The following HMGCS1 variants were observed in gnomAD, a reference collection of about 807,000 sequenced individuals.
HMGCS1 encodes hydroxymethylglutaryl-CoA synthase, cytoplasmic.
A neutral mutation model predicts 52.3 loss-of-function variants in HMGCS1; 9 were observed. That is an observed-to-expected ratio of 0.17 (90% confidence interval 0.10 to 0.30). The LOEUF is 0.30. HMGCS1 is among the 10% of genes least tolerant of loss of function. HMGCS1 has a pLI of 1.00. For missense variants in HMGCS1, 320 were observed against 620.9 expected (o/e 0.52, Z 5.15); for synonymous variants, 176 against 214.4 (o/e 0.82, Z 1.57).
At chr5:43,306,848 C>T (rs906656606) in intron 2 of HMGCS1, among the ~76,000 whole-genome samples, 1 of 152,126 alleles carries the variant, frequency 6.6e-6, no homozygotes, top group Non-Finnish European at 1.5e-5. Flanking sequence ...CGGTACCCAA[C>T]CCACTGTTTG....
intron 9 of HMGCS1, 74 bp from the exon 10 acceptor site, chr5:43,292,711 T>C: frequency 9.2e-6 from 14 of 1,516,504 alleles, no homozygotes; most frequent in Non-Finnish European, 1.3e-5. Context: ...TAAAGATAAG[T>C]TTCATATATC....
chr5:43,311,009 T>C (rs1274919765), intron 1 of HMGCS1, among the ~76,000 whole-genome samples: 1 of 152,178 alleles, frequency 6.6e-6, no homozygotes, highest in African/African-American at 2.4e-5. Flanking sequence ...ACACACGCCA[T>C]GCATTAGGAT....
At chr5:43,297,784 G>A (rs1013878435) in intron 4 of HMGCS1, among the ~76,000 whole-genome samples, 1 of 150,788 alleles carries the variant, frequency 6.6e-6, no homozygotes, top group Admixed American at 6.6e-5. Flanking sequence ...GTTGCAGTGA[G>A]CCGAGATCGT....
chr5:43,305,660 C>G (rs1754530691), intron 2 of HMGCS1, among the ~76,000 whole-genome samples: 1 of 151,630 alleles, frequency 6.6e-6, no homozygotes, highest in African/African-American at 2.4e-5. Flanking sequence ...ATCCCAGCTA[C>G]TTGGAAGGCT....
At chr5:43,303,128 C>A (rs912865560) in intron 2 of HMGCS1, among the ~76,000 whole-genome samples, 1 of 152,146 alleles carries the variant, frequency 6.6e-6, no homozygotes, top group African/African-American at 2.4e-5. Flanking sequence ...TTATTACATC[C>A]TAGATTCTTT....
At chr5:43,306,062 C>A (rs2111724909) in intron 2 of HMGCS1, among the ~76,000 whole-genome samples, 1 of 152,166 alleles carries the variant, frequency 6.6e-6, no homozygotes, top group Admixed American at 6.5e-5. Flanking sequence ...ACTTTGTAAA[C>A]CTTTCAAGTC....
chr5:43,302,707 C>A (rs1167128801), intron 2 of HMGCS1, among the ~76,000 whole-genome samples: 2 of 152,302 alleles, frequency 1.3e-5, no homozygotes, highest in East Asian at 3.9e-4. Context: ...CTCTAGGAAC[C>A]AAATGGACTG....
At chr5:43,296,905 T>G in intron 5 of HMGCS1, 97 bp downstream of exon 5, 2 of 830,682 alleles carry the variant, frequency 2.4e-6, no homozygotes, top group African/African-American at 3.4e-5. Flanking sequence ...GGATATTAAA[T>G]GAAGAATGCC....
chr5:43,292,153 C>T (rs548043359), intron 10 of HMGCS1, among the ~76,000 whole-genome samples: 1 of 151,830 alleles, frequency 6.6e-6, no homozygotes, highest in African/African-American at 2.4e-5. Flanking sequence ...CCACCAAGCC[C>T]AACTAATTTT....
rs1386090483 is a variant in HMGCS1, at chr5:43,298,097, T to C, written c.486A>G (p.Val162=). 2.5e-6 allele frequency: 4 copies of C among 1,613,450 alleles called. No homozygotes were observed. The highest frequency in any genetic ancestry group is 1.6e-4 in the Middle Eastern group (1 of 6,062). ...YALVVAGDIA[V]YATGNARPTG... ...TAGGTCTAGCATTTCCTGTGGCATATACAGCAATATCTCCTGCAACTACCA... is the reference window on the plus strand; with the variant it reads ...TAGGTCTAGCATTTCCTGTGGCATACACAGCAATATCTCCTGCAACTACCA... Residue 162 remains valine (V), a synonymous_variant, in exon 4 of 11, where the codon GTA becomes GTG. Coordinates refer to ENST00000325110, the MANE Select transcript of HMGCS1 (RefSeq NM_001098272.3). This position sits in a 1 kb window ranked among gnomAD's most constrained non-coding sequence, Gnocchi z 5.6.
In HMGCS1 at chr5:43,288,294, C is replaced by A. The variant is rs1328820331; in HGVS notation, c.*2837G>T. On this transcript the variant is annotated 3_prime_UTR_variant, in exon 11 of 11. Transcript: ENST00000325110. ...ATCACAGATCAACTATTTTCTCCCA[C>A]TACCAGCAAAGAAAAAATGAGGAAC... is the stretch of plus-strand genomic sequence containing the variant. 6.6e-6 allele frequency: 1 copy of A among 152,166 alleles called. No homozygotes were observed. The highest frequency in any genetic ancestry group is 1.5e-5 in the Non-Finnish European group (1 of 68,038). 9.4% of individuals were successfully genotyped at this position (152,166 alleles called of 1,614,324 possible). A position where few individuals can be genotyped will look rare whatever the true frequency, so the allele number is the denominator to read the frequency against.
intron 2 of HMGCS1, among the ~76,000 whole-genome samples, chr5:43,305,488 G>A (rs997784478): frequency 2.0e-5 from 3 of 151,996 alleles, no homozygotes; most frequent in Admixed American, 1.3e-4. Flanking sequence ...AGAATAAAGA[G>A]GCCGGGTGTG....
Position 43,292,652 on chromosome 5 carries a change from G to C in HMGCS1, c.1310-15C>G. 6.2e-7 allele frequency: 1 copy of C among 1,601,000 alleles called. No homozygotes were observed. Among genetic ancestry groups the C allele is most frequent in the Non-Finnish European group, 8.6e-7 (1 of 1,168,724 alleles). ...AATATAGTTGACTAAAGGAAAGGGA[G>C]AGAATATCTACAATTAGTTATGATA... On this transcript the variant is annotated splice_polypyrimidine_tract_variant and intron_variant, in intron 9 of 10. Coordinates refer to ENST00000325110, the MANE Select transcript of HMGCS1 (RefSeq NM_001098272.3).
At chr5:43,296,380 G>C (rs1233317574) in intron 5 of HMGCS1, among the ~76,000 whole-genome samples, 2 of 152,100 alleles carry the variant, frequency 1.3e-5, no homozygotes, top group African/African-American at 2.4e-5. Flanking sequence ...TATACTGCAA[G>C]AATGCTTCTT....
intron 4 of HMGCS1, 97 bp from the exon 5 acceptor site, chr5:43,297,263 ATC>A: frequency 1.0e-6 from 1 of 983,170 alleles, no homozygotes; most frequent in South Asian, 1.6e-5. Flanking sequence ...TTCCTTAACT[ATC>A]TGATCAATTC....
chr5:43,297,978 A>G (rs753629332), intron 4 of HMGCS1, 31 bp downstream of exon 4: 3 of 1,604,676 alleles, frequency 1.9e-6, no homozygotes, highest in East Asian at 4.5e-5. Flanking sequence ...ATTGTGCTAA[A>G]AAAAACAAAA....
chr5:43,310,513 T>C (rs1000771758), intron 1 of HMGCS1, among the ~76,000 whole-genome samples: 2 of 152,234 alleles, frequency 1.3e-5, no homozygotes, highest in African/African-American at 4.8e-5. Flanking sequence ...AAGTAAAGGG[T>C]ACTCAAATGT....
chr5:43,311,850 C>T (rs959596994), intron 1 of HMGCS1, among the ~76,000 whole-genome samples: 1 of 152,184 alleles, frequency 6.6e-6, no homozygotes, highest in Non-Finnish European at 1.5e-5. Flanking sequence ...TAAGTCAGAC[C>T]TTCTGAGTGC....
intron 2 of HMGCS1, among the ~76,000 whole-genome samples, chr5:43,307,097 G>A (rs942196150): frequency 5.9e-5 from 8 of 136,656 alleles, no homozygotes; most frequent in African/African-American, 2.3e-4. Flanking sequence ...TTGAGACAGA[G>A]TCCCACTCTG....
Sources: gnomAD v4.1 joint callset for allele counts (sites outside exome capture counted in the v4.1 genomes callset) on GRCh38, gnomAD v4.1.1 for gene constraint, Gnocchi (gnomAD v3.1) non-coding constraint, MANE v1.5 for transcripts, NCBI Gene and HGNC (gene_info 2026-07-23, HGNC 2026-07-21) for gene names.